CD163L1: variants seen among roughly 807,000 people sequenced by gnomAD.
CD163L1 encodes the protein scavenger receptor cysteine-rich type 1 protein M160.
In CD163L1, 124 loss-of-function variants were observed where a neutral mutation model predicts 165.4. That is an observed-to-expected ratio of 0.75 (90% CI 0.65 to 0.87). CD163L1 has a LOEUF of 0.87. Ranked by LOEUF, CD163L1 falls within the 40% of genes least tolerant of loss-of-function variation. The pLI is 0.00. For missense variants in CD163L1, 1,525 were observed against 1,799.9 expected (o/e 0.85, Z 2.76); for synonymous variants, 585 against 662.2 (o/e 0.88, Z 1.79).
chr12:7,329,001 T>TACAG, the CD163L1 span, among the ~76,000 whole-genome samples: 14 of 148,414 alleles, frequency 9.4e-5, no homozygotes, highest in African/African-American at 3.4e-4. Flanking sequence ...CACATATGTA[T>TACAG]ATATAGATAT....
chr12:7,322,644 TAG>T, the CD163L1 span: 3 of 1,429,544 alleles, frequency 2.1e-6, no homozygotes, highest in Non-Finnish European at 1.9e-6. Flanking sequence ...TAAATTTTTA[TAG>T]AGTTTCCCGG....
rs780871957 is a variant in CD163L1, at chr12:7,355,133, G to A, written c.*25-3C>T. 1 of 152,170 alleles carries A rather than the reference G, an allele frequency of 6.6e-6. No homozygotes were observed. Among genetic ancestry groups the A allele is most frequent in the African/African-American group, 2.4e-5 (1 of 41,532 alleles). The allele number at this position is 152,170 out of a possible 1,614,324, so 9.4% of individuals were successfully genotyped here. On this transcript the variant is annotated splice_polypyrimidine_tract_variant and splice_region_variant and intron_variant, in intron 19 of 19. Coordinates refer to ENST00000313599, the MANE Select transcript of CD163L1 (RefSeq NM_174941.6). ...TTCAAAGATATTTAGAGGTTGATCT[G>A]AAATTATAAAACAAGAGGCAACAAG...
At chr12:7,324,396 T>G in the CD163L1 span, 1 of 1,614,134 alleles carries the variant, frequency 6.2e-7, no homozygotes, top group Admixed American at 1.7e-5. Flanking sequence ...CATTATATCC[T>G]CTGGGTTTGT....
At chr12:7,366,222 T>C (rs1038078801) in intron 18 of CD163L1, among the ~76,000 whole-genome samples, 7 of 151,130 alleles carry the variant, frequency 4.6e-5, no homozygotes, top group Admixed American at 2.6e-4. Flanking sequence ...AGAGTGTAGA[T>C]TGGTGGTTAT....
downstream of CD163L1, among the ~76,000 whole-genome samples, chr12:7,342,595 A>C (rs748931360): frequency 1.3e-5 from 2 of 152,074 alleles, no homozygotes; most frequent in African/African-American, 4.8e-5. Flanking sequence ...GGTCTCCCCA[A>C]CCGAGCTGGT....
chr12:7,410,587 G>A (rs1469986872), intron 4 of CD163L1, among the ~76,000 whole-genome samples: 1 of 147,462 alleles, frequency 6.8e-6, no homozygotes, highest in Non-Finnish European at 1.5e-5. Context: ...CTGAGTGACA[G>A]AGCGAGAGTC....
chr12:7,343,975 C>T (rs1946653097), downstream of CD163L1, among the ~76,000 whole-genome samples: 1 of 152,132 alleles, frequency 6.6e-6, no homozygotes, highest in Non-Finnish European at 1.5e-5. Context: ...CAATGGGGTA[C>T]ACAGTGGGTA....
chr12:7,377,758 A>C (rs1454228054), intron 9 of CD163L1, among the ~76,000 whole-genome samples: 7 of 152,302 alleles, frequency 4.6e-5, no homozygotes, highest in East Asian at 3.9e-4. Flanking sequence ...GCGATGTGAC[A>C]TTCTGCCACC....
intron 3 of CD163L1, 125 bp downstream of exon 3, chr12:7,433,249 T>C (rs969229122): frequency 1.1e-5 from 8 of 742,936 alleles, no homozygotes; most frequent in African/African-American, 5.3e-5. Flanking sequence ...GGGTAGAATA[T>C]ATAAAATATT....
chr12:7,397,499 C>T (rs894372177), intron 7 of CD163L1, among the ~76,000 whole-genome samples: 7 of 152,070 alleles, frequency 4.6e-5, no homozygotes, highest in South Asian at 2.1e-4. Context: ...TAGGATGGGG[C>T]CATAGGGGAA....
In CD163L1 at chr12:7,396,270, G is replaced by A. The variant is rs1473725118; in HGVS notation, c.1875C>T (p.Asp625=). 1.9e-6 allele frequency: 3 copies of A among 1,614,172 alleles called. No individual in the cohort carries two copies. The highest frequency in any genetic ancestry group is 1.3e-5 in the African/African-American group (1 of 75,048). The change falls in exon 8 of 20, where the codon GAC becomes GAT. Residue 625 remains aspartate, a synonymous_variant. Transcript: ENST00000313599. ...KAAAVVCSQL[D]CPSSIIGMGL... ...CCATGCCAATGATAGAAGATGGGCA[G>A]TCCAGCTGGCTACACACCACAGCTG... is the stretch of plus-strand genomic sequence containing the variant.
chr12:7,423,172 A>G (rs771532547), intron 4 of CD163L1, among the ~76,000 whole-genome samples: 12 of 152,204 alleles, frequency 7.9e-5, no homozygotes, highest in Non-Finnish European at 7.3e-5. Flanking sequence ...AGAATTAAGA[A>G]GCACACTCAA....
chr12:7,435,886 G>A (rs1021496059), intron 2 of CD163L1, among the ~76,000 whole-genome samples: 1 of 152,118 alleles, frequency 6.6e-6, no homozygotes, highest in Non-Finnish European at 1.5e-5. Context: ...TATAGCCATT[G>A]CAACAGCAGA....
At chr12:7,443,425 T>G (rs1948854704) in intron 1 of CD163L1, among the ~76,000 whole-genome samples, 1 of 152,246 alleles carries the variant, frequency 6.6e-6, no homozygotes, top group Non-Finnish European at 1.5e-5. Flanking sequence ...GAAGTGCAAG[T>G]GCAAAGGTTA....
chr12:7,424,277 TC>T (rs1436944948), intron 4 of CD163L1, among the ~76,000 whole-genome samples: 1 of 79,170 alleles, frequency 1.3e-5, no homozygotes, highest in Non-Finnish European at 2.5e-5. Flanking sequence ...AAATTCAACA[TC>T]CCTTCATGGT....
At chr12:7,439,498 C>T in intron 2 of CD163L1, 1 of 1,583,740 alleles carries the variant, frequency 6.3e-7, no homozygotes, top group Non-Finnish European at 8.5e-7. Context: ...ATCATCTGGG[C>T]TTTTCTCCTC....
chr12:7,373,356 A>C lies in CD163L1; in HGVS notation c.3694T>G (p.Ser1232Ala). 6.2e-7 allele frequency: 1 copy of C among 1,613,722 alleles called. No homozygotes were observed. Among genetic ancestry groups the C allele is most frequent in the South Asian group, 1.1e-5 (1 of 91,024 alleles). Residue 1232 changes from serine (S) to alanine (A), a missense_variant, in exon 14 of 20, where the codon TCC becomes GCC. Ser to Ala is a moderately conservative substitution (Grantham distance 99, BLOSUM62 1). Coordinates refer to ENST00000313599, the MANE Select transcript of CD163L1 (RefSeq NM_174941.6). ...ATCCAGGTCTCTTCTGCTGGGCTGG[A>C]GATTCTTCGCTCCCATGGGGCAGAC... ...CLSAPWERRI[S>A]SPAEETWITC...
rs996787056 is a variant in CD163L1 at position 7,369,034 on chromosome 12, C to T, written c.4040-69G>A. 1 of 1,493,274 alleles carries T rather than the reference C, an allele frequency of 6.7e-7. No individual in the cohort carries two copies. Among genetic ancestry groups the T allele is most frequent in the Non-Finnish European group, 9.3e-7 (1 of 1,079,160 alleles). 92.5% of individuals were successfully genotyped at this position (1,493,274 alleles called of 1,614,324 possible). On this transcript the variant is annotated intron_variant, in intron 15 of 19. Coordinates refer to ENST00000313599, the MANE Select transcript of CD163L1 (RefSeq NM_174941.6). This position sits in a 1 kb window ranked among gnomAD's most constrained non-coding sequence, Gnocchi z 4.9. Reference sequence around the variant, plus strand: ...GAACTGGGTATTTCTTTTTACATCTCCTGCGATTATCGGATGTCATTTAAA... The same window carrying T: ...GAACTGGGTATTTCTTTTTACATCTTCTGCGATTATCGGATGTCATTTAAA...
intron 1 of CD163L1, among the ~76,000 whole-genome samples, chr12:7,441,971 G>A (rs1220438677): frequency 1.3e-5 from 2 of 151,954 alleles, no homozygotes; most frequent in Non-Finnish European, 2.9e-5. Context: ...AACTAAGATA[G>A]GCAGGAGCAA....
Sources: gnomAD v4.1 joint callset for allele counts (sites outside exome capture counted in the v4.1 genomes callset) on GRCh38, gnomAD v4.1.1 for gene constraint, Gnocchi (gnomAD v3.1) non-coding constraint, MANE v1.5 for transcripts, NCBI Gene and HGNC (gene_info 2026-07-23, HGNC 2026-07-21) for gene names.